KATNIP: variants seen among roughly 807,000 people sequenced by gnomAD.
The protein encoded by KATNIP is katanin interacting protein, also known as katanin-interacting protein.
A neutral mutation model predicts 174.0 loss-of-function variants in KATNIP; 126 were observed. The observed-to-expected ratio is 0.72, with a 90% CI of 0.63 to 0.84. The LOEUF (loss-of-function observed/expected upper bound fraction) is 0.84. Ranked by LOEUF, KATNIP falls within the 40% of genes least tolerant of loss-of-function variation. The probability of loss-of-function intolerance (pLI) is 0.00; values close to 1 mark genes in which losing one functional copy is unlikely to be tolerated. For missense variants in KATNIP, 1,958 were observed against 2,109.7 expected (o/e 0.93, Z 1.41); for synonymous variants, 810 against 835.7 (o/e 0.97, Z 0.53).
Position 27,751,924 on chromosome 16 carries a change from G to T in KATNIP, c.3552G>T (p.Arg1184=). 1.7e-5 allele frequency: 28 copies of T among 1,605,232 alleles called. No homozygotes were observed. Among genetic ancestry groups the T allele is most frequent in the Non-Finnish European group, 2.4e-5 (28 of 1,177,390 alleles). The change falls in exon 17 of 28, where the codon CGG becomes CGT. Residue 1184 remains arginine, a splice_region_variant and synonymous_variant. Transcript: ENST00000261588. ...AGGCTGGCTTGGGGGCTGATGAACG[G>T]GTAGGACTGGAGCTGGGGGGCTGTG... ...FTQAGLGADE[R]IPELELPSSS...
Position 27,744,868 on chromosome 16 carries a change from T to C in KATNIP, c.2623+3948T>C, listed in dbSNP as rs192344240. ...AGGTGGAGGTTGGAGTAAGCCAAGATCACGCCACTGCACTCCAGCCTGGGT... is the reference window on the plus strand; with the variant it reads ...AGGTGGAGGTTGGAGTAAGCCAAGACCACGCCACTGCACTCCAGCCTGGGT... On this transcript the variant is annotated intron_variant, in intron 15 of 27. Transcript: ENST00000261588. Among the ~76,000 whole-genome samples the C allele has an allele frequency of 2.1e-3, 324 of 151,994 alleles. 1 individual carries two copies. The highest frequency in any genetic ancestry group is 7.6e-3 in the African/African-American group (315 of 41,416).
intron 2 of KATNIP, 167 bp downstream of exon 2, chr16:27,574,123 C>T (rs2090404556): frequency 1.6e-6 from 1 of 606,300 alleles, no homozygotes; most frequent in Non-Finnish European, 2.9e-6. Flanking sequence ...AACCCAGTGT[C>T]ACTTGTAATA....
chr16:27,616,508 A>C (rs576362022), intron 2 of KATNIP, among the ~76,000 whole-genome samples: 1 of 151,474 alleles, frequency 6.6e-6, no homozygotes, highest in African/African-American at 2.4e-5. Context: ...GGCAGATTAC[A>C]TGAGGCCAGG....
intron 6 of KATNIP, among the ~76,000 whole-genome samples, chr16:27,649,020 G>A (rs1049893429): frequency 6.6e-6 from 1 of 152,164 alleles, no homozygotes; most frequent in African/African-American, 2.4e-5. Flanking sequence ...GAGAGGTTGG[G>A]GCAGAGCATG....
chr16:27,579,900 A>G (rs1183672135), intron 2 of KATNIP, among the ~76,000 whole-genome samples: 9 of 151,530 alleles, frequency 5.9e-5, no homozygotes, highest in Admixed American at 5.9e-4. Context: ...AGTAACAGAG[A>G]CTTCTGGTAC....
Position 27,721,647 on chromosome 16 carries a change from C to T in KATNIP, c.1695C>T (p.Asp565=), listed in dbSNP as rs748576266. Residue 565 remains aspartate (D), a synonymous_variant, in exon 14 of 28, where the codon GAC becomes GAT. Coordinates refer to ENST00000261588, the MANE Select transcript of KATNIP (RefSeq NM_015202.5). ...TTCGAAACACAAGACAGCTGGGGGA[C>T]TTCCATCTGGCCAAGATCAAGGTTC... ...FVIRNTRQLG[D]FHLAKIKVRN... is the part of the protein sequence containing the mutation. The T allele has an allele frequency of 3.1e-6, 5 of 1,614,086 alleles. No homozygotes were observed. Among genetic ancestry groups the T allele is most frequent in the East Asian group, 4.5e-5 (2 of 44,906 alleles).
intron 7 of KATNIP, among the ~76,000 whole-genome samples, chr16:27,680,735 C>T (rs1387681032): frequency 3.3e-5 from 5 of 152,108 alleles, no homozygotes; most frequent in South Asian, 2.1e-4. Context: ...TTGCTCTGCC[C>T]CCCAGGCTGG....
chr16:27,733,956 T>C (rs1985831), intron 14 of KATNIP, among the ~76,000 whole-genome samples: 2,282 of 152,120 alleles, frequency 0.015, 27 homozygotes, highest in Non-Finnish European at 0.024. Context: ...TACGTAAATA[T>C]GTAGAAAAAT....
At chr16:27,689,966 G>T (rs1419736327) in intron 8 of KATNIP, among the ~76,000 whole-genome samples, 1 of 152,100 alleles carries the variant, frequency 6.6e-6, no homozygotes, top group Non-Finnish European at 1.5e-5. Flanking sequence ...GCTTTTTAAA[G>T]ACTGCTTGGT....
intron 2 of KATNIP, among the ~76,000 whole-genome samples, chr16:27,593,068 T>C (rs1030128787): frequency 6.6e-6 from 1 of 152,212 alleles, no homozygotes; most frequent in African/African-American, 2.4e-5. Flanking sequence ...GTAGCTCTTA[T>C]CTATCTACCT....
intron 2 of KATNIP, among the ~76,000 whole-genome samples, chr16:27,606,688 CTG>C (rs1639312663): frequency 6.6e-6 from 1 of 151,738 alleles, no homozygotes; most frequent in Non-Finnish European, 1.5e-5. Context: ...TTCCATTCTG[CTG>C]TCTCTATGTT....
chr16:27,721,308 A>G (rs1191326582), intron 13 of KATNIP, among the ~76,000 whole-genome samples: 1 of 152,192 alleles, frequency 6.6e-6, no homozygotes, highest in Non-Finnish European at 1.5e-5. Flanking sequence ...TCTGGTTGGC[A>G]GATCAGAGGG....
intron 12 of KATNIP, among the ~76,000 whole-genome samples, chr16:27,705,090 T>G (rs2079248876): frequency 6.6e-6 from 1 of 152,080 alleles, no homozygotes; most frequent in South Asian, 2.1e-4. Context: ...TTTGTATTTT[T>G]AGTAGAGATG....
At position 27,699,523 on chromosome 16, in the gene KATNIP, C is replaced by T; in HGVS notation, c.1114-11C>T. ...GTTCCAACATCACATCATGTGATCA[C>T]ATCCTTCCAGGATGCAGAAGGACCA... On this transcript the variant is annotated splice_polypyrimidine_tract_variant and intron_variant, in intron 9 of 27. Transcript: ENST00000261588. 6.2e-7 allele frequency: 1 copy of T among 1,613,970 alleles called. No homozygotes were observed. The highest frequency in any genetic ancestry group is 1.1e-5 in the South Asian group (1 of 91,068).
At chr16:27,694,355 G>A (rs1438699295) in intron 8 of KATNIP, among the ~76,000 whole-genome samples, 1 of 152,142 alleles carries the variant, frequency 6.6e-6, no homozygotes, top group African/African-American at 2.4e-5. Flanking sequence ...GAAGCATGCT[G>A]TTTTTCAGAA....
intron 8 of KATNIP, among the ~76,000 whole-genome samples, chr16:27,695,417 G>A (rs2078880276): frequency 6.6e-6 from 1 of 152,190 alleles, no homozygotes; most frequent in Non-Finnish European, 1.5e-5. Flanking sequence ...TAGCTGCTCA[G>A]AGAACACATC....
At chr16:27,618,316 A>C in intron 2 of KATNIP, 109 bp from the exon 3 acceptor site, 1 of 821,514 alleles carries the variant, frequency 1.2e-6, no homozygotes, top group Non-Finnish European at 2.1e-6. Context: ...GCCTTCGTCA[A>C]GGTCAGCCTC....
chr16:27,655,202 ATATATATATATATATATATATATATATT>A (rs1210716656), intron 6 of KATNIP, among the ~76,000 whole-genome samples: 14 of 112,478 alleles, frequency 1.2e-4, no homozygotes, highest in African/African-American at 5.3e-4. Context: ...ATATATATAT[ATATATATATATATATATATATATATATT>A]TTGTTTGTTT....
chr16:27,690,314 T>A (rs2078670424), intron 8 of KATNIP, among the ~76,000 whole-genome samples: 1 of 77,700 alleles, frequency 1.3e-5, no homozygotes, highest in East Asian at 4.9e-4. Flanking sequence ...AGACCCCATC[T>A]CAGATAGATA....
Sources: allele counts gnomAD v4.1 joint callset (sites outside exome capture counted in the v4.1 genomes callset), GRCh38; gene constraint gnomAD v4.1.1; transcripts MANE v1.5; gene names NCBI Gene and HGNC (gene_info 2026-07-23, HGNC 2026-07-21).